TFDP2: variants seen among roughly 807,000 people sequenced by gnomAD.
TFDP2 encodes the protein transcription factor Dp-2 (E2F dimerization partner 2).
TFDP2 carries 17 observed loss-of-function variants against 59.3 expected under a neutral mutation model. The ratio of observed to expected loss-of-function variants is 0.29; its 90% CI spans 0.20 to 0.43. TFDP2 has a LOEUF of 0.43. Among genes scored for constraint, TFDP2 ranks in the 20% least tolerant of loss-of-function variants. TFDP2 has a pLI of 1.00. For missense variants in TFDP2, 391 were observed against 528.8 expected (o/e 0.74, Z 2.56); for synonymous variants, 180 against 194.7 (o/e 0.92, Z 0.63).
intron 7 of TFDP2, among the ~76,000 whole-genome samples, chr3:141,977,107 T>TATATATATATATA (rs1491255094): frequency 2.3e-3 from 200 of 86,486 alleles, no homozygotes; most frequent in African/African-American, 9.3e-3. Flanking sequence ...TATATATATA[T>TATATATATATATA]TTTTTTTTTT....
intron 9 of TFDP2, among the ~76,000 whole-genome samples, chr3:141,968,892 CAT>C (rs1292541635): frequency 2.5e-5 from 2 of 79,840 alleles, no homozygotes; most frequent in Non-Finnish European, 4.6e-5. Flanking sequence ...ATATATAACA[CAT>C]ATATATCTCA....
At chr3:142,050,416 C>A (rs1160215567) in intron 3 of TFDP2, among the ~76,000 whole-genome samples, 9 of 152,190 alleles carry the variant, frequency 5.9e-5, no homozygotes, top group African/African-American at 2.2e-4. Context: ...CTCCCAGTGG[C>A]GGGACACGGT....
intron 6 of TFDP2, among the ~76,000 whole-genome samples, chr3:141,989,896 T>TA (rs1942567342): frequency 1.3e-5 from 2 of 149,856 alleles, no homozygotes; most frequent in African/African-American, 4.9e-5. Context: ...TAATAATAAT[T>TA]ATTATTATTA....
At chr3:142,023,135 A>AG (rs1945775989) in intron 3 of TFDP2, among the ~76,000 whole-genome samples, 2 of 146,820 alleles carry the variant, frequency 1.4e-5, no homozygotes, top group Admixed American at 6.8e-5. Flanking sequence ...AAAAAAAAAA[A>AG]AAAAAAAAGA....
chr3:142,016,402 A>T (rs1248502709), intron 3 of TFDP2, among the ~76,000 whole-genome samples: 1 of 151,150 alleles, frequency 6.6e-6, no homozygotes, highest in Non-Finnish European at 1.5e-5. Flanking sequence ...GGGTTCAAGC[A>T]ATTCTCCTGC....
At chr3:142,134,927 A>C (rs2062663684) in intron 1 of TFDP2, among the ~76,000 whole-genome samples, 1 of 152,126 alleles carries the variant, frequency 6.6e-6, no homozygotes, top group Non-Finnish European at 1.5e-5. Context: ...ATTCTCAAAC[A>C]CAGTAACTTT....
chr3:142,120,031 C>T (rs2061989505), intron 1 of TFDP2, among the ~76,000 whole-genome samples: 1 of 151,426 alleles, frequency 6.6e-6, no homozygotes, highest in Admixed American at 6.6e-5. Flanking sequence ...GCCTGGGCGA[C>T]AGAGCAAGAC....
At chr3:141,989,208 T>C (rs1242465129) in intron 6 of TFDP2, 1 of 152,226 alleles carries the variant, frequency 6.6e-6, no homozygotes, top group Non-Finnish European at 1.5e-5. Flanking sequence ...AATGTTGGAT[T>C]CAAGTTTTCA....
Position 142,140,070 on chromosome 3 carries a change from T to C in TFDP2, c.-93+9113A>G, listed in dbSNP as rs145421821. Reference sequence around the variant, plus strand: ...CCTGGAGGCTTTGTTCATTTCTTTTTACTCTTTTTTCGCTAAACTTGTCTT... The same window carrying C: ...CCTGGAGGCTTTGTTCATTTCTTTTCACTCTTTTTTCGCTAAACTTGTCTT... On this transcript the variant is annotated intron_variant, in intron 1 of 12. Coordinates refer to ENST00000489671, the MANE Select transcript of TFDP2 (RefSeq NM_001178139.2). 1.6e-4 allele frequency among the ~76,000 whole-genome samples: 24 copies of C among 152,340 alleles called. No individual in the cohort carries two copies. In the East Asian group the frequency reaches 3.5e-3, roughly 22 times the overall value.
intron 3 of TFDP2, among the ~76,000 whole-genome samples, chr3:142,014,309 T>A (rs79408130): frequency 7.6e-6 from 1 of 130,724 alleles, no homozygotes; most frequent in Admixed American, 7.5e-5. Flanking sequence ...TGCCCAGGTA[T>A]TTTTTTTTAT....
chr3:142,073,465 C>A lies in TFDP2; in HGVS notation c.82+19596G>T, dbSNP rs558792140. On this transcript the variant is annotated intron_variant, in intron 3 of 12. Coordinates refer to ENST00000489671, the MANE Select transcript of TFDP2 (RefSeq NM_001178139.2). ...TTAAAAACAAACAAACAACCCCCCCCCCCCCGCAAAAAAAAAAAATAAAAA... is the reference window on the plus strand; with the variant it reads ...TTAAAAACAAACAAACAACCCCCCCACCCCCGCAAAAAAAAAAAATAAAAA... Among the ~76,000 whole-genome samples the A allele has an allele frequency of 1.0e-4, 7 of 70,128 alleles. 2 individuals carry two copies. The highest frequency in any genetic ancestry group is 2.0e-4 in the Non-Finnish European group (7 of 35,776). The allele number at this position is 70,128 out of a possible 152,430, so 46.0% of individuals were successfully genotyped here.
In TFDP2 at chr3:142,109,477, C is replaced by T. The variant is rs527296901; in HGVS notation, c.-92-7636G>A. On this transcript the variant is annotated intron_variant, in intron 1 of 12. Coordinates refer to ENST00000489671, the MANE Select transcript of TFDP2 (RefSeq NM_001178139.2). ...CCAAGTAGCTGGGGTTAAAGGCATGCGCCAGCACCCCTGGCTAATTTTGTA... is the reference window on the plus strand; with the variant it reads ...CCAAGTAGCTGGGGTTAAAGGCATGTGCCAGCACCCCTGGCTAATTTTGTA... Among the ~76,000 whole-genome samples the T allele has an allele frequency of 1.8e-4, 28 of 152,066 alleles. No individual in the cohort carries two copies. In the South Asian group the frequency reaches 2.1e-3, roughly 11 times the overall value.
In TFDP2 at chr3:142,032,741, C is replaced by A. The variant is rs545524508; in HGVS notation, c.83-27197G>T. ...TTTTCTTCTTGCCTCATCCTCACCA[C>A]CCAAATGCCCACATTGTTTCCATTT... On this transcript the variant is annotated intron_variant, in intron 3 of 12. Coordinates refer to ENST00000489671, the MANE Select transcript of TFDP2 (RefSeq NM_001178139.2). Among the ~76,000 whole-genome samples, 15 of 152,304 alleles carry A rather than the reference C, an allele frequency of 9.8e-5. No homozygotes were observed. The South Asian group carries it at 2.9e-3, about 29-fold the overall frequency.
intron 3 of TFDP2, among the ~76,000 whole-genome samples, chr3:142,009,743 A>AGAAAAC (rs1245097683): frequency 1.3e-5 from 2 of 151,744 alleles, no homozygotes; most frequent in African/African-American, 4.8e-5. Flanking sequence ...AAAAAGAAAA[A>AGAAAAC]GAAATTGACA....
chr3:141,959,929 G>T, intron 10 of TFDP2, 89 bp from the exon 11 acceptor site: 1 of 1,315,978 alleles, frequency 7.6e-7, no homozygotes, highest in Non-Finnish European at 1.1e-6. Context: ...ACAGAATGGG[G>T]GCCTAAATCC....
intron 3 of TFDP2, among the ~76,000 whole-genome samples, chr3:142,006,737 G>A (rs1273537516): frequency 3.3e-5 from 5 of 151,862 alleles, no homozygotes; most frequent in Admixed American, 3.3e-4. Context: ...AAAGTGCTGG[G>A]ATTAAAGGCT....
intron 1 of TFDP2, among the ~76,000 whole-genome samples, chr3:142,130,449 G>C (rs2062453889): frequency 6.6e-6 from 1 of 151,674 alleles, no homozygotes. Context: ...AAGGAGGAAT[G>C]GGAATTATTG....
chr3:142,052,966 C>A (rs58229904), intron 3 of TFDP2, among the ~76,000 whole-genome samples: 1 of 151,892 alleles, frequency 6.6e-6, no homozygotes, highest in Admixed American at 6.6e-5. Flanking sequence ...CCTGCCACTA[C>A]GCCCGGCTAT....
At chr3:141,983,222 C>T (rs1941676356) in intron 6 of TFDP2, among the ~76,000 whole-genome samples, 1 of 152,174 alleles carries the variant, frequency 6.6e-6, no homozygotes, top group South Asian at 2.1e-4. Flanking sequence ...GAGATTTGGT[C>T]CTGCAACCAA....
Sources: gnomAD v4.1 joint callset for allele counts (sites outside exome capture counted in the v4.1 genomes callset) on GRCh38, gnomAD v4.1.1 for gene constraint, MANE v1.5 for transcripts, NCBI Gene and HGNC (gene_info 2026-07-23, HGNC 2026-07-21) for gene names.